The following CSMD1 variants were observed in gnomAD, a reference collection of about 807,000 sequenced individuals.
CSMD1 encodes the protein CUB and sushi domain-containing protein 1.
In CSMD1, 213 loss-of-function variants were observed where a neutral mutation model predicts 417.5. The ratio of observed to expected loss-of-function variants is 0.51; its 90% confidence interval spans 0.46 to 0.57. CSMD1 has a LOEUF of 0.57. Ranked by LOEUF, CSMD1 falls within the 20% of genes least tolerant of loss-of-function variation. The pLI is 0.00. For missense variants in CSMD1, 6,923 were observed against 4,529.7 expected, an observed-to-expected ratio of 1.53 and a Z score of -15.17; for synonymous variants, 2,862 against 1,736.8, an observed-to-expected ratio of 1.65 and a Z score of -16.11.
chr8:4,832,334 G>A (rs535860003), intron 1 of CSMD1, among the ~76,000 whole-genome samples: 2 of 152,260 alleles, frequency 1.3e-5, no homozygotes, highest in South Asian at 4.1e-4. Context: ...TTACGGAGAT[G>A]CAATGCCTGA....
At chr8:3,616,901 TAAAATGTGATCTCCA>T (rs967699840) in intron 7 of CSMD1, 104 bp from the exon 8 acceptor site, 2 of 684,506 alleles carry the variant, frequency 2.9e-6, no homozygotes, top group African/African-American at 3.6e-5. Flanking sequence ...GATAATGACT[TAAAATGTGATCTCCA>T]AAGGAATTAA....
At chr8:3,441,876 CAGGTCCG>C (rs1264186898) in intron 12 of CSMD1, among the ~76,000 whole-genome samples, 4 of 151,962 alleles carry the variant, frequency 2.6e-5, no homozygotes, top group African/African-American at 9.7e-5. Flanking sequence ...CAGCCTTAGG[CAGGTCCG>C]TCAGGAGGTA....
chr8:3,399,713 C>A (rs1462683329), intron 15 of CSMD1, among the ~76,000 whole-genome samples, 184 bp from the exon 16 acceptor site: 1 of 152,188 alleles, frequency 6.6e-6, no homozygotes. Context: ...TATGCTACCT[C>A]CATGTACTTA....
chr8:4,804,852 C>T (rs183716802), intron 1 of CSMD1, among the ~76,000 whole-genome samples: 2 of 152,198 alleles, frequency 1.3e-5, no homozygotes, highest in Non-Finnish European at 2.9e-5. Context: ...ACAGACATGG[C>T]TCATTGTCTA....
At chr8:4,956,610 T>G (rs1010773136) in intron 1 of CSMD1, among the ~76,000 whole-genome samples, 15 of 151,454 alleles carry the variant, frequency 9.9e-5, no homozygotes, top group African/African-American at 3.4e-4. Flanking sequence ...TATTTTTATT[T>G]TATAAATATA....
chr8:3,234,584 T>A (rs779096131), intron 26 of CSMD1, among the ~76,000 whole-genome samples: 6 of 152,184 alleles, frequency 3.9e-5, no homozygotes, highest in Non-Finnish European at 8.8e-5. Context: ...ATTGCTGTAC[T>A]TTCCCACTTT....
chr8:4,097,855 A>G (rs1037839059), intron 3 of CSMD1, among the ~76,000 whole-genome samples: 2 of 152,198 alleles, frequency 1.3e-5, no homozygotes, highest in Non-Finnish European at 2.9e-5. Context: ...GTTCTATTAC[A>G]CTACTGTGTG....
chr8:3,112,426 C>T (rs1370813090), intron 42 of CSMD1, among the ~76,000 whole-genome samples: 1 of 152,170 alleles, frequency 6.6e-6, no homozygotes, highest in Non-Finnish European at 1.5e-5. Context: ...GCCATCGTTC[C>T]CACCTCTTAA....
chr8:3,805,439 G>C (rs1324420279), intron 5 of CSMD1, among the ~76,000 whole-genome samples: 1 of 152,134 alleles, frequency 6.6e-6, no homozygotes, highest in Admixed American at 6.6e-5. Flanking sequence ...GCTCTGAGTG[G>C]AGCAGAAATG....
intron 7 of CSMD1, among the ~76,000 whole-genome samples, chr8:3,638,398 C>T (rs752134876): frequency 1.3e-5 from 2 of 151,796 alleles, no homozygotes; most frequent in Non-Finnish European, 1.5e-5. Context: ...TGGTTTGATG[C>T]TGAGAGAAAG....
intron 3 of CSMD1, among the ~76,000 whole-genome samples, chr8:4,308,290 T>G (rs1798361015): frequency 6.6e-6 from 1 of 152,022 alleles, no homozygotes; most frequent in Non-Finnish European, 1.5e-5. Context: ...TGATGGTGTG[T>G]GTGAAGTTTG....
At chr8:3,073,089 A>T (rs1313951130) in intron 49 of CSMD1, among the ~76,000 whole-genome samples, 1 of 152,238 alleles carries the variant, frequency 6.6e-6, no homozygotes, top group Non-Finnish European at 1.5e-5. Flanking sequence ...AGTTAAAATG[A>T]TGCTAAAGTT....
At chr8:3,102,953 A>C (rs1815866347) in intron 46 of CSMD1, among the ~76,000 whole-genome samples, 1 of 152,166 alleles carries the variant, frequency 6.6e-6, no homozygotes, top group Admixed American at 6.6e-5. Flanking sequence ...AGGCCTCCAC[A>C]AACAAGTTTA....
chr8:3,385,527 G>A (rs1038884981), intron 18 of CSMD1, among the ~76,000 whole-genome samples: 2 of 151,756 alleles, frequency 1.3e-5, no homozygotes, highest in African/African-American at 2.4e-5. Flanking sequence ...CATTTGTTAG[G>A]ATCTTCAAAG....
chr8:4,419,205 C>T (rs952651927), intron 3 of CSMD1, among the ~76,000 whole-genome samples: 3 of 152,084 alleles, frequency 2.0e-5, no homozygotes, highest in Non-Finnish European at 2.9e-5. Context: ...TTACAGACTC[C>T]AGAGTTTCTG....
chr8:3,839,253 T>G (rs1156341389), intron 5 of CSMD1, among the ~76,000 whole-genome samples: 2 of 125,018 alleles, frequency 1.6e-5, no homozygotes, highest in African/African-American at 5.9e-5. Context: ...TATTAATATA[T>G]ATTACTTATA....
chr8:3,714,629 T>C (rs1224198581), intron 6 of CSMD1, among the ~76,000 whole-genome samples: 1 of 148,734 alleles, frequency 6.7e-6, no homozygotes, highest in African/African-American at 2.5e-5. Context: ...CCCAGCTAGT[T>C]GGGAGGCTGA....
chr8:3,892,187 C>CA (rs1384134143), intron 5 of CSMD1, among the ~76,000 whole-genome samples: 1 of 152,134 alleles, frequency 6.6e-6, no homozygotes, highest in African/African-American at 2.4e-5. Context: ...AGCCTGCTTC[C>CA]AATGTGTAGC....
chr8:3,399,203 A>AC (rs1397473565), intron 16 of CSMD1, among the ~76,000 whole-genome samples, 188 bp downstream of exon 16: 1 of 152,202 alleles, frequency 6.6e-6, no homozygotes, highest in East Asian at 1.9e-4. Context: ...GCATTGGCTC[A>AC]CTGTGGGCTT....
Sources: gnomAD v4.1 joint callset for allele counts (sites outside exome capture counted in the v4.1 genomes callset) on GRCh38, gnomAD v4.1.1 for gene constraint, MANE v1.5 for transcripts, NCBI Gene and HGNC (gene_info 2026-07-23, HGNC 2026-07-21) for gene names.